Variants in PRPF40B observed in about 807,000 individuals in gnomAD.
PRPF40B encodes pre-mRNA processing factor 40B.
A neutral mutation model predicts 124.5 loss-of-function variants in PRPF40B; 56 were observed. The ratio of observed to expected loss-of-function variants is 0.45; its 90% CI spans 0.36 to 0.56. The LOEUF is 0.56. Among genes scored for constraint, PRPF40B ranks in the 20% least tolerant of loss-of-function variants. PRPF40B has a pLI of 0.00. For missense variants in PRPF40B, 1,053 were observed against 1,169.5 expected (o/e 0.90, Z 1.45); for synonymous variants, 443 against 426.4 (o/e 1.04, Z -0.48).
In PRPF40B at chr12:49,631,906, C is replaced by A; in HGVS notation, c.275C>A (p.Ala92Glu). Residue 92 changes from alanine to glutamate, a missense_variant, in exon 4 of 26, where the codon GCG becomes GAG. Physicochemically the swap from Ala to Glu is moderately radical, Grantham distance 107. Transcript: ENST00000548825. The surrounding 1 kb of genome is among the most constrained non-coding windows in gnomAD (Gnocchi z 4.3). ...ATGATGCCAGGAATGCTGATGCCAG[C>A]GGTGCCTGTCACCGCAGCGGTAAGC... Reference protein sequence around the residue: ...PPMMPGMLMPAVPVTAATAPG... With the variant: ...PPMMPGMLMPEVPVTAATAPG... The A allele has an allele frequency of 6.2e-7, 1 of 1,614,106 alleles. No homozygotes were observed. The highest frequency in any genetic ancestry group is 8.5e-7 in the Non-Finnish European group (1 of 1,179,966).
At chr12:49,628,543 C>T (rs1391475854) in intron 1 of PRPF40B, among the ~76,000 whole-genome samples, 3 of 151,536 alleles carry the variant, frequency 2.0e-5, no homozygotes, top group African/African-American at 4.8e-5. Context: ...GCGTGAACCA[C>T]CGCACCAGGC....
intron 15 of PRPF40B, 84 bp downstream of exon 15, chr12:49,636,077 C>G (rs139577415): frequency 6.5e-7 from 1 of 1,535,830 alleles, no homozygotes; most frequent in African/African-American, 1.4e-5. Flanking sequence ...ACCCCACTCC[C>G]CTGTACCTCC....
At chr12:49,623,360 GGACGCGGC>G (rs1299015005), upstream of PRPF40B, 4 of 213,836 alleles carry the variant, frequency 1.9e-5, no homozygotes, top group East Asian at 1.2e-4. Context: ...GGCGGACCCG[GGACGCGGC>G]GGCGCGGGGG....
intron 23 of PRPF40B, 111 bp downstream of exon 23, chr12:49,643,508 C>T (rs1353562288): frequency 7.0e-7 from 1 of 1,433,448 alleles, no homozygotes; most frequent in Non-Finnish European, 9.4e-7. Context: ...GAGGGCTGCA[C>T]CTGTGGAAGT....
chr12:49,623,917 G>A, intron 1 of PRPF40B: 3 of 1,152,706 alleles, frequency 2.6e-6, no homozygotes, highest in South Asian at 4.4e-5. Context: ...GCGGAGATGA[G>A]GGGACTGAGG....
chr12:49,623,275 C>G (rs1940360317), upstream of PRPF40B: 1 of 164,466 alleles, frequency 6.1e-6, no homozygotes, highest in African/African-American at 2.4e-5. Flanking sequence ...AGGACGCAGG[C>G]AGCGGGGAGA....
intron 12 of PRPF40B, 175 bp from the exon 13 acceptor site, chr12:49,634,924 C>T: frequency 1.4e-6 from 1 of 720,832 alleles, no homozygotes; most frequent in South Asian, 1.9e-5. Flanking sequence ...GGAGCTGCAT[C>T]TCTTCCCCTC....
At chr12:49,624,480 C>T (rs1940519827) in intron 1 of PRPF40B, among the ~76,000 whole-genome samples, 2 of 152,180 alleles carry the variant, frequency 1.3e-5, no homozygotes, top group Non-Finnish European at 2.9e-5. Flanking sequence ...AGGTTGAAAC[C>T]TAACTCCACA....
chr12:49,628,311 A>T (rs58072420), intron 1 of PRPF40B, among the ~76,000 whole-genome samples: 2,529 of 152,212 alleles, frequency 0.017, 70 homozygotes, highest in African/African-American at 0.057. Context: ...CCCAGGCTGG[A>T]GTGCAGTGGT....
At position 49,635,339 on chromosome 12, in the gene PRPF40B, C is replaced by A; in HGVS notation, c.1167-26C>A. The A allele has an allele frequency of 1.2e-6, 2 of 1,610,012 alleles. No individual in the cohort carries two copies. The highest frequency in any genetic ancestry group is 1.7e-6 in the Non-Finnish European group (2 of 1,178,204). On this transcript the variant is annotated intron_variant, in intron 13 of 25. Transcript: ENST00000548825. This position sits in a 1 kb window ranked among gnomAD's most constrained non-coding sequence, Gnocchi z 4.1. ...TCCAGGGTCTCTGTTCTCTGTCTAC[C>A]TACTCACAGCTTATATGCTCCACAG...
At chr12:49,636,874 C>G in intron 16 of PRPF40B, 25 bp downstream of exon 16, 2 of 1,612,722 alleles carry the variant, frequency 1.2e-6, no homozygotes, top group Non-Finnish European at 1.7e-6. Flanking sequence ...CTTTCTAGAT[C>G]AGAGCTCAGC....
chr12:49,632,758 G>A (rs1215198477), intron 5 of PRPF40B, 97 bp from the exon 6 acceptor site: 2 of 1,600,102 alleles, frequency 1.2e-6, no homozygotes, highest in Non-Finnish European at 8.6e-7. Flanking sequence ...ATGGGACCAG[G>A]GGACTATTTA....
upstream of PRPF40B, chr12:49,623,557 G>T (rs1940389586): frequency 8.1e-7 from 1 of 1,240,588 alleles, no homozygotes; most frequent in Admixed American, 4.2e-5. Context: ...CTGGCGGGTG[G>T]GCTGAGCCGG....
rs76344971 is a variant in PRPF40B at position 49,635,589 on chromosome 12, A to G, written c.1275+116A>G. ...TACTTCCCCAGTGTCCCAGCTTCTG[A>G]CTTGGAAGCTGGTATGGGACTTGCA... is the stretch of plus-strand genomic sequence containing the variant. On this transcript the variant is annotated intron_variant, in intron 14 of 25. Transcript: ENST00000548825. The surrounding 1 kb of genome is among the most constrained non-coding windows in gnomAD (Gnocchi z 4.1). 3.5e-4 allele frequency: 381 copies of G among 1,087,514 alleles called. 1 individual carries two copies. The African/African-American group carries it at 5.5e-3, about 16-fold the overall frequency. The allele number at this position is 1,087,514 out of a possible 1,614,324, so 67.4% of individuals were successfully genotyped here. A position where few individuals can be genotyped will look rare whatever the true frequency, so the allele number is the denominator to read the frequency against.
chr12:49,628,562 G>GGTTT (rs1940934998), intron 1 of PRPF40B, among the ~76,000 whole-genome samples: 1 of 134,982 alleles, frequency 7.4e-6, no homozygotes, highest in African/African-American at 2.7e-5. Flanking sequence ...GCCAGGAACA[G>GGTTT]TTTTTTTTTT....
chr12:49,639,693 AAG>A (rs1334833010), intron 18 of PRPF40B: 2 of 152,210 alleles, frequency 1.3e-5, no homozygotes, highest in Admixed American at 6.5e-5. Context: ...TTAAAAAAAA[AAG>A]GGAGAATTCA....
chr12:49,624,002 A>G, intron 1 of PRPF40B: 1 of 1,014,586 alleles, frequency 9.9e-7, no homozygotes, highest in Non-Finnish European at 1.2e-6. Context: ...CCCCAGCCCC[A>G]GCGCCCGTTC....
chr12:49,643,344 G>T lies in PRPF40B; in HGVS notation c.2327G>T (p.Gly776Val), dbSNP rs114821665. Reference protein sequence around the residue: ...PSSSLDSVESGGAALGGRGSP... With the variant: ...PSSSLDSVESVGAALGGRGSP... ...TCCTCACTTGATTCAGTTGAAAGTGGGGGTGCTGCCCTTGGAGGACGGGGC... is the reference window on the plus strand; with the variant it reads ...TCCTCACTTGATTCAGTTGAAAGTGTGGGTGCTGCCCTTGGAGGACGGGGC... The change falls in exon 23 of 26, where the codon GGG (glycine) becomes GTG (valine). Residue 776 changes from glycine (G) to valine (V), a missense_variant. Physicochemically the swap from Gly to Val is moderately radical, Grantham distance 109 (BLOSUM62 -3). Coordinates refer to ENST00000548825, the MANE Select transcript of PRPF40B (RefSeq NM_001031698.3). The T allele has an allele frequency of 3.1e-5, 50 of 1,604,830 alleles. No individual in the cohort carries two copies. In the African/African-American group the frequency reaches 5.5e-4, roughly 18 times the overall value.
rs1023796589 is a variant in PRPF40B at position 49,631,418 on chromosome 12, C to T, written c.102C>T (p.Ile34=). The change falls in exon 3 of 26, where the codon ATC becomes ATT. Residue 34 remains isoleucine (I), a synonymous_variant. Coordinates refer to ENST00000548825, the MANE Select transcript of PRPF40B (RefSeq NM_001031698.3). This position sits in a 1 kb window ranked among gnomAD's most constrained non-coding sequence, Gnocchi z 4.3. The part of the protein sequence containing the change: ...MPPPFMPPPG[I]PPPFPPMGLP... ...ATTTCCAGATGCCCCCTCCAGGGAT[C>T]CCCCCACCCTTTCCTCCGATGGGGC... 2 of 1,397,674 alleles carry T rather than the reference C, an allele frequency of 1.4e-6. No individual in the cohort carries two copies. The highest frequency in any genetic ancestry group is 1.9e-6 in the Non-Finnish European group (2 of 1,053,992). 86.6% of individuals were successfully genotyped at this position (1,397,674 alleles called of 1,614,324 possible). A position where few individuals can be genotyped will look rare whatever the true frequency, so the allele number is the denominator to read the frequency against.
Sources: allele counts gnomAD v4.1 joint callset (sites outside exome capture counted in the v4.1 genomes callset), GRCh38; gene constraint gnomAD v4.1.1; non-coding constraint Gnocchi (gnomAD v3.1); transcripts MANE v1.5; gene names NCBI Gene and HGNC (gene_info 2026-07-23, HGNC 2026-07-21).